Variants in LASP1 observed in about 807,000 individuals in gnomAD.
The protein encoded by LASP1 is LIM and SH3 protein 1.
A neutral mutation model predicts 38.6 loss-of-function variants in LASP1; 10 were observed. The ratio of observed to expected loss-of-function variants is 0.26; its 90% CI spans 0.16 to 0.44. LASP1 has a LOEUF of 0.44. LASP1 is among the 20% of genes least tolerant of loss of function. The pLI, the probability that LASP1 is intolerant of heterozygous loss-of-function variation, is 1.00. For synonymous variants in LASP1, 132 were observed against 140.8 expected (o/e 0.94, Z 0.44); for missense variants, 243 against 375.7 (o/e 0.65, Z 2.92).
At chr17:38,891,770 A>C (rs1914332187) in intron 3 of LASP1, among the ~76,000 whole-genome samples, 1 of 152,238 alleles carries the variant, frequency 6.6e-6, no homozygotes, top group South Asian at 2.1e-4. Flanking sequence ...CTTAATAATA[A>C]ACATGATAGT....
intron 1 of LASP1, among the ~76,000 whole-genome samples, chr17:38,877,418 C>T (rs1325704820): frequency 6.6e-6 from 1 of 152,164 alleles, no homozygotes. Context: ...TCCTGCCCTC[C>T]TCCTGGGGTG....
At chr17:38,879,381 C>T (rs1415155902) in intron 2 of LASP1, among the ~76,000 whole-genome samples, 1 of 151,892 alleles carries the variant, frequency 6.6e-6, no homozygotes, top group African/African-American at 2.4e-5. Context: ...TGGTCTCGAA[C>T]TCCTGACCTC....
At chr17:38,917,002 CCCGAAT>C (rs1915150423) in intron 6 of LASP1, among the ~76,000 whole-genome samples, 1 of 152,078 alleles carries the variant, frequency 6.6e-6, no homozygotes, top group East Asian at 1.9e-4. Flanking sequence ...CAGCAGGAAG[CCCGAAT>C]TGACTAGAGT....
chr17:38,884,418 G>A lies in LASP1; in HGVS notation c.165-6002G>A, dbSNP rs1375401709. ...TTTTTATTTTTTGAGACAGAGTTTC[G>A]CTCTTGTTGCCCAGGCTGGAGTGCA... is the stretch of plus-strand genomic sequence containing the variant. On this transcript the variant is annotated intron_variant, in intron 2 of 6. Coordinates refer to ENST00000318008, the MANE Select transcript of LASP1 (RefSeq NM_006148.4). 5.6e-5 allele frequency among the ~76,000 whole-genome samples: 8 copies of A among 142,454 alleles called. No homozygotes were observed. In the Admixed American group the frequency reaches 5.8e-4, roughly 10 times the overall value. The allele number at this position is 142,454 out of a possible 152,430, so 93.5% of individuals were successfully genotyped here.
At chr17:38,906,673 CAT>C (rs1435189161) in intron 4 of LASP1, among the ~76,000 whole-genome samples, 1 of 152,176 alleles carries the variant, frequency 6.6e-6, no homozygotes, top group African/African-American at 2.4e-5. Context: ...GATGTATAAT[CAT>C]GTGAGGAGCA....
intron 2 of LASP1, 95 bp from the exon 3 acceptor site, chr17:38,890,325 G>A: frequency 1.7e-6 from 2 of 1,192,094 alleles, no homozygotes; most frequent in Non-Finnish European, 2.5e-6. Flanking sequence ...CCCAAGCATA[G>A]GACGAAGTTC....
chr17:38,914,891 A>G (rs377613035), intron 5 of LASP1, 152 bp from the exon 6 acceptor site: 104 of 705,618 alleles, frequency 1.5e-4, no homozygotes, highest in East Asian at 2.9e-4. Flanking sequence ...CACACAGGCA[A>G]ATGTGCACAC....
chr17:38,884,546 C>A (rs1006152313), intron 2 of LASP1, among the ~76,000 whole-genome samples: 2 of 151,854 alleles, frequency 1.3e-5, no homozygotes, highest in African/African-American at 4.8e-5. Flanking sequence ...CGCTACCATG[C>A]CTGGCTAATT....
intron 4 of LASP1, among the ~76,000 whole-genome samples, chr17:38,904,957 T>C (rs1216220067): frequency 1.3e-5 from 2 of 152,240 alleles, no homozygotes; most frequent in African/African-American, 4.8e-5. Flanking sequence ...TTATGTATTC[T>C]TAAACACTAT....
In LASP1 at chr17:38,911,087, C is replaced by T. The variant is rs139789089; in HGVS notation, c.358-3238C>T. Reference sequence around the variant, plus strand: ...AGGATCCTGGTCTGTTCTCTTCAGCCAGTCCTGAGGCCTGGGGTGTGCAGT... The same window carrying T: ...AGGATCCTGGTCTGTTCTCTTCAGCTAGTCCTGAGGCCTGGGGTGTGCAGT... On this transcript the variant is annotated intron_variant, in intron 4 of 6. Coordinates refer to ENST00000318008, the MANE Select transcript of LASP1 (RefSeq NM_006148.4). Among the ~76,000 whole-genome samples the T allele has an allele frequency of 5.9e-5, 9 of 152,272 alleles. 1 individual carries two copies. The highest frequency in any genetic ancestry group is 2.2e-4 in the African/African-American group (9 of 41,562).
At chr17:38,897,971 A>G (rs1345871162) in intron 3 of LASP1, among the ~76,000 whole-genome samples, 3 of 152,224 alleles carry the variant, frequency 2.0e-5, no homozygotes, top group Non-Finnish European at 4.4e-5. Context: ...ATAAGCTTCC[A>G]GACAGGATGG....
intron 4 of LASP1, among the ~76,000 whole-genome samples, chr17:38,907,155 C>T (rs1012473750): frequency 1.2e-4 from 19 of 152,052 alleles, no homozygotes; most frequent in Non-Finnish European, 2.5e-4. Context: ...CATTTGCTGG[C>T]GAGGGGAAGG....
chr17:38,880,282 T>G (rs1913905106), intron 2 of LASP1, among the ~76,000 whole-genome samples: 1 of 152,230 alleles, frequency 6.6e-6, no homozygotes, highest in Admixed American at 6.5e-5. Context: ...AATCAGAGGC[T>G]TGTCCTTGTT....
At chr17:38,873,798 CTG>C (rs758234643) in intron 1 of LASP1, 12 of 152,300 alleles carry the variant, frequency 7.9e-5, no homozygotes, top group Admixed American at 3.3e-4. Context: ...GAGGGAGAAA[CTG>C]TAACCCTGGG....
intron 1 of LASP1, among the ~76,000 whole-genome samples, chr17:38,871,937 C>T (rs1036264963): frequency 6.6e-5 from 10 of 152,124 alleles, no homozygotes; most frequent in African/African-American, 2.4e-4. Context: ...ACTGGGGTTT[C>T]GCCCGCCCCT....
At chr17:38,917,408 T>A (rs1016376812) in intron 6 of LASP1, among the ~76,000 whole-genome samples, 1 of 152,088 alleles carries the variant, frequency 6.6e-6, no homozygotes, top group East Asian at 1.9e-4. Context: ...CTTTTTTTTT[T>A]CCTCTTTCTT....
chr17:38,888,637 GATAA>G (rs1914215574), intron 2 of LASP1, among the ~76,000 whole-genome samples: 1 of 152,218 alleles, frequency 6.6e-6, no homozygotes. Context: ...AGGAACTTGA[GATAA>G]ATCAATGAAC....
intron 2 of LASP1, among the ~76,000 whole-genome samples, chr17:38,887,364 G>T (rs992085634): frequency 2.6e-5 from 4 of 152,160 alleles, no homozygotes; most frequent in Non-Finnish European, 2.9e-5. Context: ...GGGCCTGCCA[G>T]CCCTGCTAGA....
At chr17:38,881,559 C>T (rs918457352) in intron 2 of LASP1, among the ~76,000 whole-genome samples, 1 of 152,228 alleles carries the variant, frequency 6.6e-6, no homozygotes, top group African/African-American at 2.4e-5. Flanking sequence ...GAGTGACATT[C>T]AGGTTCCTGA....
Sources: allele counts gnomAD v4.1 joint callset (sites outside exome capture counted in the v4.1 genomes callset), GRCh38; gene constraint gnomAD v4.1.1; transcripts MANE v1.5; gene names NCBI Gene and HGNC (gene_info 2026-07-23, HGNC 2026-07-21).